Variants in MORC1 observed in about 807,000 individuals in gnomAD.
MORC1 encodes MORC family CW-type zinc finger protein 1.
A neutral mutation model predicts 134.9 loss-of-function variants in MORC1; 59 were observed. That is an observed-to-expected ratio of 0.44 (90% CI 0.35 to 0.54). The LOEUF is 0.54. MORC1 is among the 20% of genes least tolerant of loss of function. The pLI, the probability that MORC1 is intolerant of heterozygous loss-of-function variation, is 0.00. For synonymous variants in MORC1, 395 were observed against 391.7 expected (o/e 1.01, Z -0.10); for missense variants, 947 against 1,134.5 (o/e 0.83, Z 2.37).
At chr3:109,056,581 T>C (rs1248849214) in intron 13 of MORC1, among the ~76,000 whole-genome samples, 1 of 152,256 alleles carries the variant, frequency 6.6e-6, no homozygotes, top group Non-Finnish European at 1.5e-5. Context: ...ATAAAAAATA[T>C]GCATTTATAT....
rs1191353270 is a variant in MORC1, at chr3:108,963,590, C to A, written c.2623G>T (p.Val875Phe). Residue 875 changes from valine (V) to phenylalanine (F), a missense_variant, in exon 27 of 28, where the codon GTC becomes TTC. Physicochemically the swap from Val to Phe is conservative, Grantham distance 50. Transcript: ENST00000232603. ...CFNQIQNTYM[V>F]QYEKKIKRKL... is the part of the protein sequence containing the mutation. ...CTCTTTATTTTTTTTTCATATTGGA[C>A]CATGTAAGTATTCTGTATCTGGGAA... is the stretch of plus-strand genomic sequence containing the variant. The A allele has an allele frequency of 6.4e-7, 1 of 1,563,230 alleles. No individual in the cohort carries two copies. Among genetic ancestry groups the A allele is most frequent in the Non-Finnish European group, 8.6e-7 (1 of 1,156,516 alleles).
chr3:109,039,341 A>C (rs1949456818), intron 14 of MORC1, among the ~76,000 whole-genome samples: 1 of 152,258 alleles, frequency 6.6e-6, no homozygotes, highest in Admixed American at 6.5e-5. Context: ...GTTGTGGGCA[A>C]GCCACTAAAC....
intron 6 of MORC1, among the ~76,000 whole-genome samples, chr3:109,095,510 G>A (rs1030478163): frequency 6.6e-6 from 1 of 152,222 alleles, no homozygotes; most frequent in South Asian, 2.1e-4. Context: ...GGGGAGAAGA[G>A]AACTATAAGT....
chr3:109,071,852 A>T (rs539157419), intron 8 of MORC1, among the ~76,000 whole-genome samples: 2 of 152,274 alleles, frequency 1.3e-5, no homozygotes, highest in African/African-American at 4.8e-5. Context: ...ATATCTAGAC[A>T]CAGCAAGCCA....
intron 27 of MORC1, 97 bp downstream of exon 27, chr3:108,963,317 C>A: frequency 9.8e-7 from 1 of 1,016,456 alleles, no homozygotes; most frequent in Non-Finnish European, 1.5e-6. Flanking sequence ...AGTGACTTGT[C>A]CAGGTCAGTA....
intron 10 of MORC1, 85 bp from the exon 11 acceptor site, chr3:109,062,143 C>T (rs1485247068): frequency 8.0e-7 from 1 of 1,244,134 alleles, no homozygotes; most frequent in African/African-American, 1.5e-5. Flanking sequence ...TGTAGCATGA[C>T]CAGTGAAAAA....
intron 21 of MORC1, among the ~76,000 whole-genome samples, chr3:108,991,915 T>G (rs1428004577): frequency 2.0e-5 from 3 of 152,342 alleles, no homozygotes; most frequent in Admixed American, 2.0e-4. Context: ...CTTTTAAAAT[T>G]GCTTAAGTTT....
intron 6 of MORC1, among the ~76,000 whole-genome samples, chr3:109,096,716 T>C (rs1950837411): frequency 6.6e-6 from 1 of 152,192 alleles, no homozygotes; most frequent in Admixed American, 6.5e-5. Flanking sequence ...CATTCTCTTA[T>C]TCCTCTACTT....
At chr3:109,095,949 A>G (rs551991381) in intron 6 of MORC1, among the ~76,000 whole-genome samples, 1 of 152,338 alleles carries the variant, frequency 6.6e-6, no homozygotes, top group Admixed American at 6.5e-5. Flanking sequence ...TAAAGTATTC[A>G]GGAGTAACGG....
intron 8 of MORC1, among the ~76,000 whole-genome samples, chr3:109,074,714 T>C (rs568134625): frequency 6.6e-6 from 1 of 152,332 alleles, no homozygotes; most frequent in South Asian, 2.1e-4. Flanking sequence ...TTGAATGTAA[T>C]TCATTTTTTA....
chr3:108,997,809 G>A (rs1278931960), intron 21 of MORC1, among the ~76,000 whole-genome samples: 1 of 152,048 alleles, frequency 6.6e-6, no homozygotes, highest in Non-Finnish European at 1.5e-5. Flanking sequence ...AAGAACCAGA[G>A]TGAGATGTTG....
chr3:109,100,411 T>G lies in MORC1; in HGVS notation c.314+6A>C. ...ATATATGTCTTAAGGGAAAAAAAAT[T>G]CTCACCTTTTAAGACCATTGCCGTA... is the stretch of plus-strand genomic sequence containing the variant. On this transcript the variant is annotated splice_donor_region_variant and intron_variant, in intron 5 of 27. Transcript: ENST00000232603. 1 of 1,604,480 alleles carries G rather than the reference T, an allele frequency of 6.2e-7. No homozygotes were observed. Among genetic ancestry groups the G allele is most frequent in the Non-Finnish European group, 8.5e-7 (1 of 1,171,330 alleles).
chr3:109,001,500 A>G (rs1948403789), intron 20 of MORC1, among the ~76,000 whole-genome samples: 1 of 152,216 alleles, frequency 6.6e-6, no homozygotes, highest in Non-Finnish European at 1.5e-5. Context: ...AAGCCAACAG[A>G]CAATTTTTAG....
intron 8 of MORC1, among the ~76,000 whole-genome samples, chr3:109,080,720 A>T (rs1950505669): frequency 6.6e-6 from 1 of 152,182 alleles, no homozygotes; most frequent in Non-Finnish European, 1.5e-5. Flanking sequence ...AAATTCAGAT[A>T]AAAAAAGAAT....
chr3:109,097,780 G>T (rs1236016488), intron 6 of MORC1, among the ~76,000 whole-genome samples: 2 of 152,164 alleles, frequency 1.3e-5, no homozygotes, highest in Non-Finnish European at 2.9e-5. Flanking sequence ...GAAATAAGTT[G>T]TACATGAAAA....
chr3:109,006,359 AAACT>A (rs992980234), intron 18 of MORC1, among the ~76,000 whole-genome samples: 26 of 152,212 alleles, frequency 1.7e-4, no homozygotes, highest in African/African-American at 4.1e-4. Flanking sequence ...ACACAAACAC[AAACT>A]AAGAAGATAG....
chr3:109,080,982 T>C (rs2107733125), intron 8 of MORC1, among the ~76,000 whole-genome samples: 3 of 152,216 alleles, frequency 2.0e-5, no homozygotes, highest in Middle Eastern at 6.8e-3. Context: ...AAATATAGAT[T>C]TATTAGAACA....
chr3:109,062,132 A>T lies in MORC1; in HGVS notation c.896-74T>A, dbSNP rs1950098319. On this transcript the variant is annotated intron_variant, in intron 10 of 27. Coordinates refer to ENST00000232603, the MANE Select transcript of MORC1 (RefSeq NM_014429.4). ...AATTTTAAGTGAGTATTTTCTATAC[A>T]TGTAGCATGACCAGTGAAAAAGGCA... 3.0e-6 allele frequency: 4 copies of T among 1,321,150 alleles called. No individual in the cohort carries two copies. In the South Asian group the frequency reaches 4.7e-5, roughly 16 times the overall value. 81.8% of individuals were successfully genotyped at this position (1,321,150 alleles called of 1,614,324 possible).
intron 17 of MORC1, among the ~76,000 whole-genome samples, chr3:109,015,225 C>T (rs1948790070): frequency 6.6e-6 from 1 of 152,068 alleles, no homozygotes; most frequent in African/African-American, 2.4e-5. Context: ...CAAGAACAGA[C>T]ATAGCAATGA....
Sources: gnomAD v4.1 joint callset for allele counts (sites outside exome capture counted in the v4.1 genomes callset) on GRCh38, gnomAD v4.1.1 for gene constraint, MANE v1.5 for transcripts, NCBI Gene and HGNC (gene_info 2026-07-23, HGNC 2026-07-21) for gene names.